MYCT1: variants seen among roughly 807,000 people sequenced by gnomAD.
MYCT1 encodes the protein MYC target 1.
A neutral mutation model predicts 15.0 loss-of-function variants in MYCT1; 12 were observed. The ratio of observed to expected loss-of-function variants is 0.80; its 90% confidence interval spans 0.51 to 1.29. The LOEUF (loss-of-function observed/expected upper bound fraction) is 1.29. MYCT1 is among the 50% of genes most tolerant of loss of function. MYCT1 has a pLI of 0.00. For missense variants in MYCT1, 287 were observed against 279.1 expected (o/e 1.03, Z -0.20); for synonymous variants, 104 against 102.7 (o/e 1.01, Z -0.07).
intron 1 of MYCT1, among the ~76,000 whole-genome samples, chr6:152,698,537 A>G (rs1183744544): frequency 6.6e-6 from 1 of 152,174 alleles, no homozygotes; most frequent in Admixed American, 6.5e-5. Context: ...GAGATTTTCC[A>G]TAGAGGCTAT....
chr6:152,724,066 TAAACATGCC>T lies in MYCT1; in HGVS notation c.*1817_*1825del, dbSNP rs920542109. The T allele has an allele frequency of 2.6e-4, 39 of 151,982 alleles. No individual in the cohort carries two copies. Among genetic ancestry groups the T allele is most frequent in the African/African-American group, 9.2e-4 (38 of 41,340 alleles). 9.4% of individuals were successfully genotyped at this position (151,982 alleles called of 1,614,324 possible). On this transcript the variant is annotated 3_prime_UTR_variant, in exon 2 of 2. Coordinates refer to ENST00000367245, the MANE Select transcript of MYCT1 (RefSeq NM_025107.3). ...ATGCTTATAGAAAATGTTCTCTAAT[TAAACATGCC>T]AAAAGGAAAAAGTAAGAGAAAGAGG... is the stretch of plus-strand genomic sequence containing the variant.
At chr6:152,728,758 TG>T (rs199595283), downstream of MYCT1, among the ~76,000 whole-genome samples, 916 of 152,064 alleles carry the variant, frequency 6.0e-3, 6 homozygotes, top group African/African-American at 0.021. Context: ...TAGCCAGGCT[TG>T]TAATCCCAGC....
chr6:152,719,490 A>C (rs887263934), intron 1 of MYCT1, among the ~76,000 whole-genome samples: 2 of 152,236 alleles, frequency 1.3e-5, no homozygotes, highest in Non-Finnish European at 2.9e-5. Flanking sequence ...ATTAAATGGG[A>C]ATAACGCTAG....
intron 1 of MYCT1, among the ~76,000 whole-genome samples, chr6:152,717,557 T>TATGAGGGGG (rs2099723907): frequency 6.6e-6 from 1 of 152,104 alleles, no homozygotes; most frequent in Non-Finnish European, 1.5e-5. Flanking sequence ...TGATGGTTAT[T>TATGAGGGGG]ATGAGGGGGA....
chr6:152,731,556 T>A, the MYCT1 span, among the ~76,000 whole-genome samples: 1 of 152,260 alleles, frequency 6.6e-6, no homozygotes, highest in African/African-American at 2.4e-5. Flanking sequence ...GTGTGTGGTG[T>A]TCCTCACCCT....
the MYCT1 span, among the ~76,000 whole-genome samples, chr6:152,744,247 T>C: frequency 6.6e-6 from 1 of 152,226 alleles, no homozygotes; most frequent in East Asian, 1.9e-4. Context: ...TGTTCACCAA[T>C]TGGACAGACC....
the MYCT1 span, among the ~76,000 whole-genome samples, chr6:152,734,489 G>A: frequency 1.6e-4 from 24 of 152,300 alleles, no homozygotes; most frequent in East Asian, 4.4e-3. Context: ...CTGCCTGGAA[G>A]GGAACATAGT....
chr6:152,743,370 C>T, the MYCT1 span, among the ~76,000 whole-genome samples: 3 of 152,208 alleles, frequency 2.0e-5, no homozygotes, highest in African/African-American at 4.8e-5. Context: ...CCGGCCCTTG[C>T]GTGGTATTTC....
At position 152,712,972 on chromosome 6, in the gene MYCT1, C is replaced by T. The variant is rs145753880; in HGVS notation, c.197-8770C>T. ...TTCACTAATTTTGAAAAATTTCAGC[C>T]TCATTTATTCAAAATGTTTTTAGCT... On this transcript the variant is annotated intron_variant, in intron 1 of 1. Transcript: ENST00000367245. Among the ~76,000 whole-genome samples the T allele has an allele frequency of 1.4e-4, 21 of 152,072 alleles. No homozygotes were observed. The Middle Eastern group carries it at 0.01, about 74-fold the overall frequency.
chr6:152,713,477 A>C (rs1030630760), intron 1 of MYCT1, among the ~76,000 whole-genome samples: 1 of 152,102 alleles, frequency 6.6e-6, no homozygotes, highest in African/African-American at 2.4e-5. Context: ...TATCTTGAAC[A>C]TTTTGAATGG....
rs1412987131 is a variant in MYCT1 at position 152,721,879 on chromosome 6, T to A, written c.334T>A (p.Ser112Thr). Residue 112 changes from serine (S) to threonine (T), a missense_variant, in exon 2 of 2, where the codon TCT becomes ACT. By Grantham distance (58) the Ser-to-Thr change is moderately conservative. Transcript: ENST00000367245. ...CTCACAGTGGAGTTCAAGCAGGAGA[T>A]CTAGGTCTTCTTACACCCACGGCCT... is the stretch of plus-strand genomic sequence containing the variant. Reference protein sequence around the residue: ...PISQWSSSRRSRSSYTHGLNR... With the variant: ...PISQWSSSRRTRSSYTHGLNR... 6.2e-7 allele frequency: 1 copy of A among 1,613,982 alleles called. No homozygotes were observed. The highest frequency in any genetic ancestry group is 1.7e-5 in the Admixed American group (1 of 60,002).
chr6:152,731,257 G>A, the MYCT1 span, among the ~76,000 whole-genome samples: 217 of 150,912 alleles, frequency 1.4e-3, 7 homozygotes, highest in East Asian at 0.035. Flanking sequence ...ATGTGAAATA[G>A]GACAAAGAAT....
intron 1 of MYCT1, among the ~76,000 whole-genome samples, chr6:152,707,253 T>C (rs953110019): frequency 6.6e-5 from 10 of 151,986 alleles, no homozygotes; most frequent in Admixed American, 6.6e-4. Context: ...CCCTGATGAG[T>C]AGTTATGTTG....
Position 152,722,583 on chromosome 6 carries a change from A to G in MYCT1, c.*330A>G, listed in dbSNP as rs1168675676. On this transcript the variant is annotated 3_prime_UTR_variant, in exon 2 of 2. Transcript: ENST00000367245. ...ATTTTAATTAAAATTAAAACTTCAG[A>G]TATTTGTGGATTACAATCCTCATTT... 8.9e-6 allele frequency: 2 copies of G among 225,060 alleles called. No homozygotes were observed. Among genetic ancestry groups the G allele is most frequent in the Non-Finnish European group, 1.8e-5 (2 of 111,352 alleles). The allele number at this position is 225,060 out of a possible 1,614,324, so 13.9% of individuals were successfully genotyped here.
the MYCT1 span, among the ~76,000 whole-genome samples, chr6:152,746,723 T>A: frequency 6.6e-6 from 1 of 152,212 alleles, no homozygotes; most frequent in Admixed American, 6.5e-5. Flanking sequence ...CTTTTTGAAA[T>A]CTATTTTCAG....
chr6:152,727,568 G>T (rs553476878), downstream of MYCT1, among the ~76,000 whole-genome samples: 15 of 152,350 alleles, frequency 9.8e-5, no homozygotes, highest in African/African-American at 3.4e-4. Context: ...CAGATTTAAT[G>T]AGATCTTCAT....
chr6:152,697,906 C>T lies in MYCT1; in HGVS notation c.4C>T (p.Arg2Ter), dbSNP rs1320878743. 3.9e-6 allele frequency: 6 copies of T among 1,554,886 alleles called. No homozygotes were observed. Among genetic ancestry groups the T allele is most frequent in the South Asian group, 3.7e-5 (3 of 80,822 alleles). Residue 2 changes from arginine (R) to a stop codon, truncating the protein, a stop_gained, in exon 1 of 2, where the codon CGA (arginine) becomes TGA (stop). Transcript: ENST00000367245. LOFTEE classifies it high-confidence loss of function. ...CATGATACACTTATTTCCTTTTATGCGAACACAAGTATATGAGGGGTTGTG... is the reference window on the plus strand; with the variant it reads ...CATGATACACTTATTTCCTTTTATGTGAACACAAGTATATGAGGGGTTGTG... M[R>*]TQVYEGLCKN...
At chr6:152,724,849 C>G (rs2129071263), downstream of MYCT1, among the ~76,000 whole-genome samples, 1 of 151,790 alleles carries the variant, frequency 6.6e-6, no homozygotes, top group East Asian at 1.9e-4. Flanking sequence ...ATAAATTTTA[C>G]AAGATTTTTA....
At chr6:152,743,036 A>G in the MYCT1 span, among the ~76,000 whole-genome samples, 1 of 152,040 alleles carries the variant, frequency 6.6e-6, no homozygotes, top group Non-Finnish European at 1.5e-5. Flanking sequence ...CCTCCATGGC[A>G]TTTCGATTAT....
Sources: gnomAD v4.1 joint callset for allele counts (sites outside exome capture counted in the v4.1 genomes callset) on GRCh38, gnomAD v4.1.1 for gene constraint, MANE v1.5 for transcripts, NCBI Gene and HGNC (gene_info 2026-07-23, HGNC 2026-07-21) for gene names.